Variants in RNF212 observed in about 807,000 individuals in gnomAD.
RNF212 encodes ring finger protein 212.
RNF212 carries 33 observed loss-of-function variants against 34.7 expected under a neutral mutation model. That is an observed-to-expected ratio of 0.95 (90% CI 0.72 to 1.27). The LOEUF is 1.27. Among genes scored for constraint, RNF212 ranks in the 50% most tolerant of loss-of-function variants. The pLI, the probability that RNF212 is intolerant of heterozygous loss-of-function variation, is 0.00. For synonymous variants in RNF212, 140 were observed against 136.1 expected (o/e 1.03, Z -0.20); for missense variants, 377 against 362.2 (o/e 1.04, Z -0.33).
chr4:1,067,413 T>C (rs979869104), downstream of RNF212, among the ~76,000 whole-genome samples: 3 of 152,102 alleles, frequency 2.0e-5, no homozygotes, highest in African/African-American at 7.2e-5. Context: ...TAGATTATAA[T>C]AGATCAAAAA....
rs1718781811 is a variant in RNF212 at position 1,073,599 on chromosome 4, C to T, written c.574G>A (p.Gly192Arg). The T allele has an allele frequency of 6.3e-7, 1 of 1,596,080 alleles. No individual in the cohort carries two copies. Among genetic ancestry groups the T allele is most frequent in the East Asian group, 2.2e-5 (1 of 44,802 alleles). The change falls in exon 9 of 10, where the codon GGG becomes AGG. Residue 192 changes from glycine to arginine, a missense_variant and splice_region_variant. Gly to Arg is a moderately radical substitution (Grantham distance 125). Transcript: ENST00000433731. ...TGAGGTTACAGGACATTTTACTTAC[C>T]CATTCGTCCATCTTGAGGTGGACTA... ...MISPPQDGRMGPHLTASFCFI... is the reference protein window; with the variant it reads ...MISPPQDGRMRPHLTASFCFI...
chr4:1,085,667 C>T (rs981204162), intron 5 of RNF212: 1 of 574,786 alleles, frequency 1.7e-6, no homozygotes, highest in Non-Finnish European at 3.1e-6. Context: ...GGGGCACCTG[C>T]CCCAAGGGGA....
At chr4:1,096,638 C>G (rs374290344) in intron 3 of RNF212, 127 bp downstream of exon 3, 1 of 686,512 alleles carries the variant, frequency 1.5e-6, no homozygotes, top group East Asian at 2.6e-5. Context: ...ACACCCCTCA[C>G]AGCTCCATGG....
chr4:1,064,128 T>A (rs11731320), intron 3 of RNF212, among the ~76,000 whole-genome samples: 123,469 of 152,204 alleles, frequency 0.81, 50,792 homozygotes, highest in African/African-American at 0.94. Flanking sequence ...TTTTTCCTCT[T>A]AAGGTCTTTA....
At chr4:1,057,136 C>T (rs1045361950) in intron 4 of RNF212, 10 of 257,498 alleles carry the variant, frequency 3.9e-5, no homozygotes, top group Admixed American at 2.0e-4. Context: ...CGGAGCAGCA[C>T]GCACACCCCC....
intron 2 of RNF212, among the ~76,000 whole-genome samples, chr4:1,103,341 C>T (rs1052792081): frequency 6.6e-6 from 1 of 151,964 alleles, no homozygotes; most frequent in Non-Finnish European, 1.5e-5. Context: ...CCCCATCTTA[C>T]AAAAAATTTT....
At chr4:1,091,245 G>A (rs1722143847) in intron 3 of RNF212, among the ~76,000 whole-genome samples, 1 of 152,222 alleles carries the variant, frequency 6.6e-6, no homozygotes, top group Non-Finnish European at 1.5e-5. Flanking sequence ...CACAGAGCTG[G>A]CAGAGGCCTG....
intron 3 of RNF212, among the ~76,000 whole-genome samples, chr4:1,064,858 C>T (rs897501356): frequency 6.6e-6 from 1 of 152,300 alleles, no homozygotes; most frequent in Non-Finnish European, 1.5e-5. Flanking sequence ...TCCGTCTCTA[C>T]GATCTTGACT....
At chr4:1,093,959 G>A (rs1722631804) in intron 3 of RNF212, 3 of 1,536,120 alleles carry the variant, frequency 2.0e-6, no homozygotes, top group African/African-American at 1.4e-5. Context: ...CACCTCCTTG[G>A]AGGATGTGGC....
At chr4:1,082,827 C>T (rs558322392) in intron 5 of RNF212, among the ~76,000 whole-genome samples, 11 of 152,334 alleles carry the variant, frequency 7.2e-5, no homozygotes, top group African/African-American at 2.6e-4. Context: ...CTGTGGTGGG[C>T]GGAAGTACCT....
At chr4:1,103,358 A>G (rs557367402) in intron 2 of RNF212, among the ~76,000 whole-genome samples, 1 of 152,336 alleles carries the variant, frequency 6.6e-6, no homozygotes, top group South Asian at 2.1e-4. Flanking sequence ...TTTTCCAGAG[A>G]AGAGAAAAAT....
intron 2 of RNF212, among the ~76,000 whole-genome samples, chr4:1,107,685 C>T (rs1725040671): frequency 6.6e-6 from 1 of 152,134 alleles, no homozygotes; most frequent in Admixed American, 6.5e-5. Context: ...CTCCTGATCT[C>T]GTGATCCGCC....
intron 2 of RNF212, chr4:1,100,111 T>C (rs73061793): frequency 0.011 from 3,827 of 344,114 alleles, 144 homozygotes; most frequent in African/African-American, 0.076. Flanking sequence ...TGCTAGAGTC[T>C]CGGCTGTCAA....
intron 3 of RNF212, chr4:1,093,896 T>G: frequency 6.5e-7 from 1 of 1,536,168 alleles, no homozygotes; most frequent in South Asian, 1.2e-5. Flanking sequence ...GCTGACCCAG[T>G]GTTCTTGGGG....
chr4:1,069,726 C>T (rs1301348865), downstream of RNF212, among the ~76,000 whole-genome samples: 1 of 152,206 alleles, frequency 6.6e-6, no homozygotes, highest in East Asian at 1.9e-4. Context: ...GTCTGGTCTC[C>T]GGAGGAAATA....
intron 5 of RNF212, among the ~76,000 whole-genome samples, chr4:1,084,466 A>C (rs1720856174): frequency 6.6e-6 from 1 of 152,136 alleles, no homozygotes; most frequent in Non-Finnish European, 1.5e-5. Context: ...GCAGTGGCTC[A>C]CATCGGTCAT....
At chr4:1,066,929 T>C (rs1019659653), downstream of RNF212, among the ~76,000 whole-genome samples, 5 of 152,222 alleles carry the variant, frequency 3.3e-5, no homozygotes, top group Non-Finnish European at 5.9e-5. Flanking sequence ...TTATATTTTT[T>C]AGTTTTAGGT....
intron 2 of RNF212, chr4:1,100,562 T>C (rs1397882479): frequency 3.3e-5 from 5 of 152,320 alleles, no homozygotes; most frequent in Admixed American, 1.3e-4. Flanking sequence ...CGTGTGCTAC[T>C]GAGCCTGGCT....
At chr4:1,106,816 T>C (rs942372106) in intron 2 of RNF212, among the ~76,000 whole-genome samples, 1 of 152,232 alleles carries the variant, frequency 6.6e-6, no homozygotes, top group Non-Finnish European at 1.5e-5. Context: ...GTATTTTCTG[T>C]TAAAAGTGCA....
Sources: gnomAD v4.1 joint callset for allele counts (sites outside exome capture counted in the v4.1 genomes callset) on GRCh38, gnomAD v4.1.1 for gene constraint, MANE v1.5 for transcripts, NCBI Gene and HGNC (gene_info 2026-07-23, HGNC 2026-07-21) for gene names.